Variants in PCDHGB7 observed in about 807,000 individuals in gnomAD.
PCDHGB7 encodes protocadherin gamma subfamily B, 7.
In PCDHGB7, 37 loss-of-function variants were observed where a neutral mutation model predicts 61.4. The ratio of observed to expected loss-of-function variants is 0.60; its 90% CI spans 0.46 to 0.79. The LOEUF is 0.79. PCDHGB7 is among the 30% of genes least tolerant of loss of function. The probability of loss-of-function intolerance (pLI) is 0.00; values close to 1 mark genes in which losing one functional copy is unlikely to be tolerated. For missense variants in PCDHGB7, 1,166 were observed against 1,202.5 expected (o/e 0.97, Z 0.45); for synonymous variants, 464 against 503.5 (o/e 0.92, Z 1.05).
At chr5:141,437,035 C>T (rs991186972) in intron 1 of PCDHGB7, among the ~76,000 whole-genome samples, 1 of 152,120 alleles carries the variant, frequency 6.6e-6, no homozygotes, top group Non-Finnish European at 1.5e-5. Context: ...AATGGATCAC[C>T]GAAACCAGAA....
intron 1 of PCDHGB7, chr5:141,427,502 G>A (rs1276688816): frequency 1.7e-6 from 1 of 576,718 alleles, no homozygotes; most frequent in East Asian, 4.0e-5. Flanking sequence ...TAACAGATGG[G>A]ACCCTGGATT....
chr5:141,482,546 A>C (rs1489817593), intron 1 of PCDHGB7, among the ~76,000 whole-genome samples: 1 of 151,868 alleles, frequency 6.6e-6, no homozygotes, highest in African/African-American at 2.4e-5. Context: ...AAAAAAAAAA[A>C]AAAGATAATG....
Position 141,422,144 on chromosome 5 carries a change from G to A in PCDHGB7, c.2415+1870G>A, listed in dbSNP as rs748208921. On this transcript the variant is annotated intron_variant, in intron 1 of 3. Transcript: ENST00000398594. Reference sequence around the variant, plus strand: ...CAAACTGGAGAAGTTCAAGTACGGGGGTCTCTGGATTTTGAAAAATATAGA... The same window carrying A: ...CAAACTGGAGAAGTTCAAGTACGGGAGTCTCTGGATTTTGAAAAATATAGA... 1.9e-6 allele frequency: 3 copies of A among 1,583,402 alleles called. No individual in the cohort carries two copies. In the African/African-American group the frequency reaches 4.1e-5, roughly 22 times the overall value.
chr5:141,493,979 C>T lies in PCDHGB7; in HGVS notation c.2416-828C>T, dbSNP rs1273325447. ...GAAGTGGCTGGCCAGAGCCCCACAC[C>T]TTCAGCTAGGTGGGAGATGGCTACA... is the stretch of plus-strand genomic sequence containing the variant. On this transcript the variant is annotated intron_variant, in intron 1 of 3. Coordinates refer to ENST00000398594, the MANE Select transcript of PCDHGB7 (RefSeq NM_018927.4). The surrounding 1 kb of genome is among the most constrained non-coding windows in gnomAD (Gnocchi z 4.3). Among the ~76,000 whole-genome samples, 1 of 152,182 alleles carries T rather than the reference C, an allele frequency of 6.6e-6. No individual in the cohort carries two copies. Among genetic ancestry groups the T allele is most frequent in the Non-Finnish European group, 1.5e-5 (1 of 68,032 alleles).
rs2099641707 is a variant in PCDHGB7 at position 141,487,238 on chromosome 5, C to T, written c.2416-7569C>T. 1.2e-6 allele frequency: 2 copies of T among 1,614,056 alleles called. No individual in the cohort carries two copies. The highest frequency in any genetic ancestry group is 1.7e-6 in the Non-Finnish European group (2 of 1,180,022). On this transcript the variant is annotated intron_variant, in intron 1 of 3. Transcript: ENST00000398594. This position sits in a 1 kb window ranked among gnomAD's most constrained non-coding sequence, Gnocchi z 5.0. ...AGCTCCAAGGGAAGGAGAATCTCGT[C>T]TAACCCTCTACTTGGCTGTGTCCCT...
chr5:141,422,499 A>G lies in PCDHGB7; in HGVS notation c.2415+2225A>G. 3 of 1,614,036 alleles carry G rather than the reference A, an allele frequency of 1.9e-6. No homozygotes were observed. The South Asian group carries it at 3.3e-5, about 18-fold the overall frequency. On this transcript the variant is annotated intron_variant, in intron 1 of 3. Coordinates refer to ENST00000398594, the MANE Select transcript of PCDHGB7 (RefSeq NM_018927.4). ...TCCAGAGCTACAATATAACGTTGAC[A>G]GCCACAGACCAGGGAAGCCCGCCTT...
chr5:141,424,401 G>A (rs1167861346), intron 1 of PCDHGB7: 1 of 151,844 alleles, frequency 6.6e-6, no homozygotes, highest in Non-Finnish European at 1.5e-5. Flanking sequence ...CCATTACTAT[G>A]GTGAAGTTAC....
Position 141,418,969 on chromosome 5 carries a change from A to C in PCDHGB7, c.1110A>C (p.Lys370Asn). Residue 370 changes from lysine (K) to asparagine (N), a missense_variant, in exon 1 of 4, where the codon AAA becomes AAC. Physicochemically the swap from Lys to Asn is moderately conservative, Grantham distance 94. Coordinates refer to ENST00000398594, the MANE Select transcript of PCDHGB7 (RefSeq NM_018927.4). ...SPPGVVVALF[K>N]TRDQDSGENG... ...CAGGAGTGGTTGTTGCCCTCTTCAA[A>C]ACACGGGACCAAGACTCAGGGGAAA... 6.2e-7 allele frequency: 1 copy of C among 1,614,028 alleles called. No individual in the cohort carries two copies. The highest frequency in any genetic ancestry group is 8.5e-7 in the Non-Finnish European group (1 of 1,179,886).
intron 3 of PCDHGB7, among the ~76,000 whole-genome samples, chr5:141,507,479 C>T (rs1050741571): frequency 1.3e-5 from 2 of 152,198 alleles, no homozygotes; most frequent in East Asian, 1.9e-4. Flanking sequence ...GACTGCTGGC[C>T]TCCTGAGGCA....
chr5:141,447,119 A>AT (rs2098526425), intron 1 of PCDHGB7, among the ~76,000 whole-genome samples: 1 of 150,848 alleles, frequency 6.6e-6, no homozygotes, highest in South Asian at 2.1e-4. Flanking sequence ...TGCTCCATGG[A>AT]TTTTTTTGTT....
At chr5:141,447,084 T>A (rs2098525776) in intron 1 of PCDHGB7, among the ~76,000 whole-genome samples, 1 of 152,186 alleles carries the variant, frequency 6.6e-6, no homozygotes, top group Non-Finnish European at 1.5e-5. Flanking sequence ...TTTTGTTGTT[T>A]AATTTTCTTT....
chr5:141,419,616 A>G lies in PCDHGB7; in HGVS notation c.1757A>G (p.Tyr586Cys), dbSNP rs1291494618. ...GTGCCGCGGGCCGCGCAGCCAGGCT[A>G]CCTGGTGACCAAGGTGGTGGCCGTG... ...DTVPRAAQPG[Y>C]LVTKVVAVDA... is the part of the protein sequence containing the mutation. Residue 586 changes from tyrosine (Y) to cysteine (C), a missense_variant, in exon 1 of 4, where the codon TAC becomes TGC. Transcript: ENST00000398594. 1 of 1,612,086 alleles carries G rather than the reference A, an allele frequency of 6.2e-7. No individual in the cohort carries two copies. The highest frequency in any genetic ancestry group is 1.3e-5 in the African/African-American group (1 of 74,918).
chr5:141,423,462 C>G, intron 1 of PCDHGB7: 1 of 1,613,924 alleles, frequency 6.2e-7, no homozygotes, highest in Non-Finnish European at 8.5e-7. Flanking sequence ...TAGGCGTGGA[C>G]GGGGTACAGG....
chr5:141,466,415 C>T (rs995296505), intron 1 of PCDHGB7, among the ~76,000 whole-genome samples: 6 of 152,136 alleles, frequency 3.9e-5, no homozygotes, highest in Non-Finnish European at 8.8e-5. Context: ...ATTTTTCAGT[C>T]AGAATTGTGT....
chr5:141,425,013 G>T (rs1666336437), intron 1 of PCDHGB7, among the ~76,000 whole-genome samples: 1 of 152,108 alleles, frequency 6.6e-6, no homozygotes, highest in Non-Finnish European at 1.5e-5. Flanking sequence ...TCTCATTTAG[G>T]AATTTACCTT....
At chr5:141,496,662 T>A (rs557106775) in intron 2 of PCDHGB7, among the ~76,000 whole-genome samples, 1 of 152,344 alleles carries the variant, frequency 6.6e-6, no homozygotes, top group African/African-American at 2.4e-5. Flanking sequence ...TGACCCCAGC[T>A]GTTGTCCTTC....
chr5:141,461,303 G>T (rs1390421489), intron 1 of PCDHGB7, among the ~76,000 whole-genome samples: 2 of 152,074 alleles, frequency 1.3e-5, no homozygotes, highest in Non-Finnish European at 2.9e-5. Flanking sequence ...AACATCTATT[G>T]TTTTTTGACT....
Position 141,490,943 on chromosome 5 carries a change from G to A in PCDHGB7, c.2416-3864G>A, listed in dbSNP as rs1035375216. The A allele has an allele frequency of 6.8e-6, 11 of 1,613,470 alleles. No homozygotes were observed. The East Asian group carries it at 1.1e-4, about 16-fold the overall frequency. On this transcript the variant is annotated intron_variant, in intron 1 of 3. Coordinates refer to ENST00000398594, the MANE Select transcript of PCDHGB7 (RefSeq NM_018927.4). This position sits in a 1 kb window ranked among gnomAD's most constrained non-coding sequence, Gnocchi z 5.4. Reference sequence around the variant, plus strand: ...AATGCCCCAGCTGTGCTGCACCCACGGCCAGACTGGGAACACTCAGCCCCC... The same window carrying A: ...AATGCCCCAGCTGTGCTGCACCCACAGCCAGACTGGGAACACTCAGCCCCC...
chr5:141,487,529 A>G lies in PCDHGB7; in HGVS notation c.2416-7278A>G, dbSNP rs772843725. ...TGCACCCACTCGGAGTGATAGCTTCATGATGGTGAAGTCACCCAGTGCACC... is the reference window on the plus strand; with the variant it reads ...TGCACCCACTCGGAGTGATAGCTTCGTGATGGTGAAGTCACCCAGTGCACC... On this transcript the variant is annotated intron_variant, in intron 1 of 3. Coordinates refer to ENST00000398594, the MANE Select transcript of PCDHGB7 (RefSeq NM_018927.4). The surrounding 1 kb of genome is among the most constrained non-coding windows in gnomAD (Gnocchi z 5.0). The G allele has an allele frequency of 2.0e-5, 32 of 1,614,168 alleles. No individual in the cohort carries two copies. Among genetic ancestry groups the G allele is most frequent in the Non-Finnish European group, 2.5e-5 (29 of 1,180,040 alleles).
Sources: gnomAD v4.1 joint callset for allele counts (sites outside exome capture counted in the v4.1 genomes callset) on GRCh38, gnomAD v4.1.1 for gene constraint, Gnocchi (gnomAD v3.1) non-coding constraint, MANE v1.5 for transcripts, NCBI Gene and HGNC (gene_info 2026-07-23, HGNC 2026-07-21) for gene names.